GPC5: variants seen among roughly 807,000 people sequenced by gnomAD.
The protein encoded by GPC5 is glypican-5.
In GPC5, 47 loss-of-function variants were observed where a neutral mutation model predicts 53.9. That is an observed-to-expected ratio of 0.87 (90% CI 0.69 to 1.11). The LOEUF (loss-of-function observed/expected upper bound fraction) is 1.11, where lower values mean the gene tolerates loss of function less well. Among genes scored for constraint, GPC5 ranks in the 50% most tolerant of loss-of-function variants. The pLI, the probability that GPC5 is intolerant of heterozygous loss-of-function variation, is 0.00. For synonymous variants in GPC5, 286 were observed against 263.3 expected (o/e 1.09, Z -0.84); for missense variants, 748 against 713.1 (o/e 1.05, Z -0.56).
chr13:92,079,546 C>G (rs1348135649), intron 6 of GPC5, among the ~76,000 whole-genome samples: 1 of 152,190 alleles, frequency 6.6e-6, no homozygotes, highest in Admixed American at 6.5e-5. Context: ...TAAATGCTCA[C>G]AGAGTGGATT....
chr13:92,340,693 A>C (rs565613940), intron 7 of GPC5: 8 of 152,250 alleles, frequency 5.3e-5, no homozygotes, highest in Middle Eastern at 3.4e-3. Flanking sequence ...TGAAACTGTT[A>C]AGATATAAAA....
chr13:91,876,793 T>C (rs908498050), intron 5 of GPC5, among the ~76,000 whole-genome samples: 1 of 152,098 alleles, frequency 6.6e-6, no homozygotes, highest in Admixed American at 6.5e-5. Context: ...CCCAAGACCA[T>C]GGGGAATATG....
At chr13:91,538,729 C>T (rs1886705370) in intron 2 of GPC5, among the ~76,000 whole-genome samples, 1 of 151,756 alleles carries the variant, frequency 6.6e-6, no homozygotes, top group Non-Finnish European at 1.5e-5. Flanking sequence ...ACTACAGGTG[C>T]CCGCCACGAC....
At chr13:92,188,980 A>C (rs997068051) in intron 7 of GPC5, among the ~76,000 whole-genome samples, 5 of 152,212 alleles carry the variant, frequency 3.3e-5, no homozygotes, top group Admixed American at 6.5e-5. Context: ...ACTAAAGCAG[A>C]AACTCACTTG....
At chr13:91,482,765 A>G (rs962381246) in intron 2 of GPC5, among the ~76,000 whole-genome samples, 2 of 152,082 alleles carry the variant, frequency 1.3e-5, no homozygotes, top group African/African-American at 4.8e-5. Context: ...CTGTAATGCA[A>G]TAGATGTGTG....
At chr13:92,527,339 C>A (rs17437291) in intron 7 of GPC5, among the ~76,000 whole-genome samples, 2,554 of 150,876 alleles carry the variant, frequency 0.017, 51 homozygotes, top group Non-Finnish European at 0.028. Flanking sequence ...CATATTTATG[C>A]GTCCAACAGA....
At position 91,693,333 on chromosome 13, in the gene GPC5, A is replaced by C; in HGVS notation, c.472A>C (p.Asn158His). 6.2e-7 allele frequency: 1 copy of C among 1,614,136 alleles called. No homozygotes were observed. The highest frequency in any genetic ancestry group is 8.5e-7 in the Non-Finnish European group (1 of 1,180,018). The change falls in exon 3 of 8, where the codon AAT (asparagine) becomes CAT (histidine). Residue 158 changes from asparagine to histidine, a missense_variant. Coordinates refer to ENST00000377067, the MANE Select transcript of GPC5 (RefSeq NM_004466.6). The stretch of plus-strand genomic sequence containing the variant: ...GCTGTATTTATTTGGTGCGGATGTT[A>C]ATCCTGAAGAATTTGTAAACAGATT... ...VGLYLFGADV[N>H]PEEFVNRFFD... is the part of the protein sequence containing the mutation.
chr13:91,969,831 G>C (rs116286451), intron 6 of GPC5, among the ~76,000 whole-genome samples: 5 of 152,196 alleles, frequency 3.3e-5, no homozygotes, highest in African/African-American at 1.2e-4. Context: ...CACATTGGTT[G>C]GGATATCTGT....
At chr13:91,957,972 T>C (rs2040089772) in intron 6 of GPC5, among the ~76,000 whole-genome samples, 1 of 151,804 alleles carries the variant, frequency 6.6e-6, no homozygotes, top group Non-Finnish European at 1.5e-5. Context: ...GAACAAAAGA[T>C]AAACAAAACA....
At chr13:92,003,668 C>T (rs969615130) in intron 6 of GPC5, among the ~76,000 whole-genome samples, 1 of 152,108 alleles carries the variant, frequency 6.6e-6, no homozygotes, top group African/African-American at 2.4e-5. Context: ...TAGTGCACAT[C>T]CAATCTGTAT....
intron 7 of GPC5, among the ~76,000 whole-genome samples, chr13:92,845,062 C>T (rs9301839): frequency 0.14 from 20,539 of 151,786 alleles, 1,529 homozygotes; most frequent in African/African-American, 0.19. Flanking sequence ...TTGAAATAAT[C>T]GTTCTATGAC....
intron 6 of GPC5, among the ~76,000 whole-genome samples, chr13:91,952,782 T>C (rs1158798785): frequency 6.6e-6 from 1 of 152,044 alleles, no homozygotes; most frequent in Non-Finnish European, 1.5e-5. Flanking sequence ...ATACATTAGA[T>C]AAATATATGG....
chr13:91,736,929 G>T (rs565154393), intron 4 of GPC5, among the ~76,000 whole-genome samples: 1 of 150,742 alleles, frequency 6.6e-6, no homozygotes, highest in Non-Finnish European at 1.5e-5. Context: ...AAACTGATTG[G>T]TTAACATCAG....
At chr13:92,085,874 G>T (rs1433958542) in intron 6 of GPC5, among the ~76,000 whole-genome samples, 1 of 152,154 alleles carries the variant, frequency 6.6e-6, no homozygotes, top group African/African-American at 2.4e-5. Flanking sequence ...GGTAACAAGA[G>T]CCATGAGGAG....
At chr13:92,138,543 A>C (rs150832008) in intron 6 of GPC5, among the ~76,000 whole-genome samples, 2,540 of 150,822 alleles carry the variant, frequency 0.017, 71 homozygotes, top group African/African-American at 0.059. Flanking sequence ...ATAAAAAATA[A>C]AAAAAAATAA....
intron 7 of GPC5, among the ~76,000 whole-genome samples, chr13:92,425,800 A>G (rs900255116): frequency 1.3e-5 from 2 of 152,074 alleles, no homozygotes; most frequent in Admixed American, 6.6e-5. Flanking sequence ...CCTTCAAAAT[A>G]TATGTATATA....
chr13:92,144,924 A>T lies in GPC5; in HGVS notation c.1496A>T (p.Asp499Val), dbSNP rs754314280. ...GTTGAACAAGTCAGTGGGGACTGTG[A>T]TGATGAAGATGGTTGCGGGGGATCA... ...GMVEQVSGDC[D>V]DEDGCGGSGS... Residue 499 changes from aspartate (D) to valine (V), a missense_variant, in exon 7 of 8, where the codon GAT (aspartate) becomes GTT (valine). Transcript: ENST00000377067. The T allele has an allele frequency of 6.3e-7, 1 of 1,597,002 alleles. No homozygotes were observed. The highest frequency in any genetic ancestry group is 1.1e-5 in the South Asian group (1 of 88,440).
At chr13:92,501,075 C>A (rs1880166522) in intron 7 of GPC5, among the ~76,000 whole-genome samples, 1 of 151,984 alleles carries the variant, frequency 6.6e-6, no homozygotes, top group Non-Finnish European at 1.5e-5. Flanking sequence ...TAAAATGAAA[C>A]CTTACCTCAC....
intron 6 of GPC5, among the ~76,000 whole-genome samples, chr13:92,013,127 G>A (rs562823120): frequency 6.6e-6 from 1 of 152,324 alleles, no homozygotes; most frequent in East Asian, 1.9e-4. Context: ...CTGCCAGCAA[G>A]AGCAAAGGGC....
Sources: gnomAD v4.1 joint callset for allele counts (sites outside exome capture counted in the v4.1 genomes callset) on GRCh38, gnomAD v4.1.1 for gene constraint, MANE v1.5 for transcripts, NCBI Gene and HGNC (gene_info 2026-07-23, HGNC 2026-07-21) for gene names.